Variants in PTPRK observed in about 807,000 individuals in gnomAD.
The protein encoded by PTPRK is protein tyrosine phosphatase receptor type K.
In PTPRK, 75 loss-of-function variants were observed where a neutral mutation model predicts 178.0. The ratio of observed to expected loss-of-function variants is 0.42; its 90% CI spans 0.35 to 0.51. The LOEUF (loss-of-function observed/expected upper bound fraction) is 0.51, where lower values mean the gene tolerates loss of function less well. Ranked by LOEUF, PTPRK falls within the 20% of genes least tolerant of loss-of-function variation. PTPRK has a pLI of 0.02. For synonymous variants in PTPRK, 637 were observed against 620.6 expected (o/e 1.03, Z -0.39); for missense variants, 1,441 against 1,797.8 (o/e 0.80, Z 3.59).
intron 7 of PTPRK, among the ~76,000 whole-genome samples, chr6:128,093,595 T>A (rs1338004427): frequency 1.6e-4 from 1 of 6,384 alleles, no homozygotes; most frequent in Non-Finnish European, 2.5e-4. Flanking sequence ...AGACTCTCTC[T>A]CAAAAAAAAA....
intron 1 of PTPRK, among the ~76,000 whole-genome samples, chr6:128,439,109 C>A (rs192312182): frequency 1.3e-5 from 2 of 152,054 alleles, no homozygotes; most frequent in African/African-American, 4.8e-5. Flanking sequence ...CTTAGAAGAT[C>A]AGGATTCCAC....
At chr6:128,193,786 A>G (rs1426800130) in intron 6 of PTPRK, among the ~76,000 whole-genome samples, 3 of 152,176 alleles carry the variant, frequency 2.0e-5, no homozygotes, top group Non-Finnish European at 2.9e-5. Context: ...ATTTGAAAAC[A>G]TTGCTGCAAT....
chr6:128,366,922 C>A (rs183719922), intron 2 of PTPRK, among the ~76,000 whole-genome samples: 245 of 152,220 alleles, frequency 1.6e-3, no homozygotes, highest in Admixed American at 2.6e-3. Context: ...GTATTAGCTT[C>A]TTTGGATTCA....
chr6:128,500,489 A>G (rs2128436920), intron 1 of PTPRK: 1 of 152,286 alleles, frequency 6.6e-6, no homozygotes, highest in South Asian at 2.1e-4. Flanking sequence ...ATCACTCTGA[A>G]TATCAATTAA....
chr6:128,384,141 A>G (rs1490359505), intron 2 of PTPRK, among the ~76,000 whole-genome samples: 2 of 152,182 alleles, frequency 1.3e-5, no homozygotes, highest in East Asian at 3.8e-4. Flanking sequence ...ACAATTTCAA[A>G]TTAACTTTTC....
At chr6:128,209,694 G>T (rs776794351) in intron 6 of PTPRK, among the ~76,000 whole-genome samples, 3 of 152,070 alleles carry the variant, frequency 2.0e-5, no homozygotes, top group Non-Finnish European at 2.9e-5. Flanking sequence ...AAAGGAAAGG[G>T]GTCCCTAAGT....
chr6:128,164,804 A>G (rs1799167950), intron 7 of PTPRK, among the ~76,000 whole-genome samples: 1 of 151,220 alleles, frequency 6.6e-6, no homozygotes, highest in Non-Finnish European at 1.5e-5. Flanking sequence ...AATGGCAGAA[A>G]ATATACATTA....
At chr6:128,300,942 C>G (rs1429027372) in intron 3 of PTPRK, among the ~76,000 whole-genome samples, 1 of 151,884 alleles carries the variant, frequency 6.6e-6, no homozygotes, top group East Asian at 1.9e-4. Flanking sequence ...CACCACACTG[C>G]TCTATCTTCT....
chr6:128,302,702 T>G (rs1222907758), intron 3 of PTPRK, among the ~76,000 whole-genome samples: 1 of 152,042 alleles, frequency 6.6e-6, no homozygotes, highest in African/African-American at 2.4e-5. Flanking sequence ...CAGGCTCAAT[T>G]TTCTGGCTCT....
At chr6:128,061,526 C>T (rs1190441442) in intron 13 of PTPRK, among the ~76,000 whole-genome samples, 1 of 149,052 alleles carries the variant, frequency 6.7e-6, no homozygotes, top group Non-Finnish European at 1.5e-5. Flanking sequence ...TCAGTACTCA[C>T]AACTGACACT....
intron 1 of PTPRK, among the ~76,000 whole-genome samples, chr6:128,461,064 C>T (rs1848993689): frequency 6.6e-6 from 1 of 152,058 alleles, no homozygotes; most frequent in African/African-American, 2.4e-5. Context: ...TACTCCTTTA[C>T]ATTCATCTTT....
At chr6:128,257,678 A>G (rs1034372230) in intron 3 of PTPRK, among the ~76,000 whole-genome samples, 2 of 152,218 alleles carry the variant, frequency 1.3e-5, no homozygotes, top group Non-Finnish European at 2.9e-5. Flanking sequence ...TTTAAAATAA[A>G]TAAGTCTCAG....
intron 1 of PTPRK, among the ~76,000 whole-genome samples, chr6:128,476,748 C>T (rs1039454712): frequency 1.3e-5 from 2 of 151,946 alleles, no homozygotes; most frequent in African/African-American, 4.8e-5. Flanking sequence ...TCAGCAAATG[C>T]ATTCATAGTT....
chr6:128,248,113 C>T, intron 3 of PTPRK, among the ~76,000 whole-genome samples: 1 of 152,132 alleles, frequency 6.6e-6, no homozygotes, highest in East Asian at 1.9e-4. Context: ...AATGACACTG[C>T]AGATCCAACC....
chr6:128,481,532 T>C (rs1852076932), intron 1 of PTPRK, among the ~76,000 whole-genome samples: 1 of 152,114 alleles, frequency 6.6e-6, no homozygotes, highest in South Asian at 2.1e-4. Context: ...TAATGATGTC[T>C]GTTTCCCCAT....
At chr6:128,020,890 C>T (rs968743554) in intron 13 of PTPRK, among the ~76,000 whole-genome samples, 1 of 152,108 alleles carries the variant, frequency 6.6e-6, no homozygotes, top group Non-Finnish European at 1.5e-5. Context: ...TCTGGCATAT[C>T]TCAGGAGAAT....
In PTPRK at chr6:128,069,046, A is replaced by C. The variant is rs369353079; in HGVS notation, c.1884-1254T>G. Among the ~76,000 whole-genome samples the C allele has an allele frequency of 3.4e-4, 51 of 152,170 alleles. No individual in the cohort carries two copies. In the South Asian group the frequency reaches 0.01, roughly 30 times the overall value. On this transcript the variant is annotated intron_variant, in intron 11 of 29. Transcript: ENST00000368226. ...TTAAAACAGTTTAGACTCTGGCATA[A>C]AATTCTAATTTAATATAAACTCTTA...
chr6:128,106,996 G>A (rs923649028), intron 7 of PTPRK, among the ~76,000 whole-genome samples: 1 of 151,998 alleles, frequency 6.6e-6, no homozygotes, highest in African/African-American at 2.4e-5. Context: ...CTTCAAAACT[G>A]GGTTTAAAGA....
At chr6:128,296,392 C>T (rs999292160) in intron 3 of PTPRK, among the ~76,000 whole-genome samples, 2 of 152,028 alleles carry the variant, frequency 1.3e-5, no homozygotes, top group African/African-American at 4.8e-5. Context: ...AGATACTCCT[C>T]GAGAAGAGCA....
Sources: gnomAD v4.1 joint callset for allele counts (sites outside exome capture counted in the v4.1 genomes callset) on GRCh38, gnomAD v4.1.1 for gene constraint, MANE v1.5 for transcripts, NCBI Gene and HGNC (gene_info 2026-07-23, HGNC 2026-07-21) for gene names.